Variants in HERC4 observed in about 807,000 individuals in gnomAD.
The protein encoded by HERC4 is probable E3 ubiquitin-protein ligase HERC4.
Under a neutral mutation model 124.3 loss-of-function variants are expected in HERC4, and 28 were observed. That is an observed-to-expected ratio of 0.23 (90% CI 0.17 to 0.31). The LOEUF is 0.31. Ranked by LOEUF, HERC4 falls within the 10% of genes least tolerant of loss-of-function variation. The probability of loss-of-function intolerance (pLI) is 1.00; values close to 1 mark genes in which losing one functional copy is unlikely to be tolerated. For synonymous variants in HERC4, 407 were observed against 421.5 expected, an observed-to-expected ratio of 0.97 and a Z score of 0.42; for missense variants, 713 against 1,229.3, an observed-to-expected ratio of 0.58 and a Z score of 6.28.
intron 3 of HERC4, among the ~76,000 whole-genome samples, chr10:68,061,812 C>T (rs930144851): frequency 8.1e-5 from 10 of 123,740 alleles, no homozygotes; most frequent in African/African-American, 1.2e-4. Context: ...ACCTTGGAGG[C>T]GGAGGTTGCA....
intron 21 of HERC4, among the ~76,000 whole-genome samples, chr10:67,939,296 G>A (rs1339875716): frequency 6.6e-6 from 1 of 152,164 alleles, no homozygotes; most frequent in African/African-American, 2.4e-5. Context: ...TAATGATAAA[G>A]TACACAGGTT....
intron 9 of HERC4, chr10:67,993,003 A>G: frequency 5.9e-6 from 1 of 169,206 alleles, no homozygotes. Context: ...TTTAAAAAAA[A>G]TAGAACAAAA....
chr10:68,005,941 C>T (rs2037518648), intron 9 of HERC4, among the ~76,000 whole-genome samples: 1 of 152,098 alleles, frequency 6.6e-6, no homozygotes, highest in Non-Finnish European at 1.5e-5. Flanking sequence ...CTCAAGCAAT[C>T]CTCTTGCCTC....
chr10:68,062,580 T>C (rs1427508706), intron 3 of HERC4, among the ~76,000 whole-genome samples: 1 of 151,352 alleles, frequency 6.6e-6, no homozygotes, highest in African/African-American at 2.4e-5. Flanking sequence ...AGTGAAACCC[T>C]GTCTCTACTA....
intron 19 of HERC4, among the ~76,000 whole-genome samples, chr10:67,949,094 A>T (rs1265479496): frequency 1.3e-5 from 2 of 151,678 alleles, no homozygotes; most frequent in East Asian, 3.9e-4. Flanking sequence ...TCTACTAAAA[A>T]ATAAAATAAA....
chr10:67,947,853 T>TC (rs1444914627), intron 19 of HERC4, among the ~76,000 whole-genome samples: 1 of 147,384 alleles, frequency 6.8e-6, no homozygotes, highest in Non-Finnish European at 1.5e-5. Flanking sequence ...TTTTTTTTTT[T>TC]TTTTTTTTTG....
intron 9 of HERC4, among the ~76,000 whole-genome samples, chr10:68,004,468 C>G (rs2037421082): frequency 6.6e-6 from 1 of 152,132 alleles, no homozygotes; most frequent in South Asian, 2.1e-4. Context: ...GAAATTTTTG[C>G]CCAGACCAAT....
rs1263942735 is a variant in HERC4, at chr10:68,072,914, C to T, written c.195G>A (p.Gln65=). The change falls in exon 3 of 25, where the codon CAG becomes CAA. Residue 65 remains glutamine (Q), a synonymous_variant. Transcript: ENST00000373700. ...VYTCGCNDLG[Q]LGHEKSRKKP... ...TCTTTCTGGATTTTTCATGACCTAG[C>T]TGTCCTAGATCATTACATCCACATG... 4 of 1,595,666 alleles carry T rather than the reference C, an allele frequency of 2.5e-6. No homozygotes were observed. Among genetic ancestry groups the T allele is most frequent in the African/African-American group, 1.3e-5 (1 of 74,434 alleles).
At position 67,927,406 on chromosome 10, in the gene HERC4, A is replaced by T. The variant is rs1564910626; in HGVS notation, c.2839-2219T>A. On this transcript the variant is annotated intron_variant, in intron 23 of 24. Transcript: ENST00000373700. ...TATATATATATATATATATATATAT[A>T]TATATATATATATATATATATATAT... Among the ~76,000 whole-genome samples the T allele has an allele frequency of 5.4e-4, 5 of 9,330 alleles. 1 individual carries two copies. Among genetic ancestry groups the T allele is most frequent in the Admixed American group, 1.1e-3 (1 of 872 alleles). The allele number at this position is 9,330 out of a possible 152,430, so 6.1% of individuals were successfully genotyped here.
chr10:67,957,014 T>C, intron 16 of HERC4, 38 bp from the exon 17 acceptor site: 1 of 1,215,456 alleles, frequency 8.2e-7, no homozygotes, highest in South Asian at 1.4e-5. Flanking sequence ...ACAAGTTGAT[T>C]TGTGATATAC....
rs113634272 is a variant in HERC4, at chr10:67,980,197, C to T, written c.1806+8466G>A. On this transcript the variant is annotated intron_variant, in intron 15 of 24. Coordinates refer to ENST00000373700, the MANE Select transcript of HERC4 (RefSeq NM_015601.4). The stretch of plus-strand genomic sequence containing the variant: ...CGCGATCTCGGCTCACCACAACCTT[C>T]GCCTTCCAGATAGTCATCAAAACAG... Among the ~76,000 whole-genome samples the T allele has an allele frequency of 2.0e-5, 3 of 152,240 alleles. 1 individual carries two copies. The highest frequency in any genetic ancestry group is 7.2e-5 in the African/African-American group (3 of 41,540).
intron 3 of HERC4, among the ~76,000 whole-genome samples, chr10:68,066,045 C>T (rs914349218): frequency 1.3e-5 from 2 of 151,892 alleles, no homozygotes; most frequent in Admixed American, 1.3e-4. Context: ...ATATAGTTTC[C>T]TCATTAGTGT....
intron 19 of HERC4, among the ~76,000 whole-genome samples, chr10:67,944,861 T>C (rs6480300): frequency 0.99 from 151,523 of 152,342 alleles, 75,362 homozygotes; most frequent in East Asian, 1. Flanking sequence ...GAAAAAGAAG[T>C]GATTAGTGAG....
chr10:67,948,814 G>T (rs113787028), intron 19 of HERC4, among the ~76,000 whole-genome samples: 1 of 152,000 alleles, frequency 6.6e-6, no homozygotes, highest in African/African-American at 2.4e-5. Flanking sequence ...CCAGCTACTT[G>T]GGAGGCTGAG....
At chr10:68,015,576 G>T (rs1344339924) in intron 8 of HERC4, among the ~76,000 whole-genome samples, 1 of 152,050 alleles carries the variant, frequency 6.6e-6, no homozygotes, top group African/African-American at 2.4e-5. Flanking sequence ...TTACAACCTG[G>T]CAAACTCACA....
chr10:68,058,083 A>G (rs1163215958), intron 3 of HERC4, among the ~76,000 whole-genome samples: 2 of 144,336 alleles, frequency 1.4e-5, no homozygotes. Flanking sequence ...TTCTCACAAG[A>G]AAAAAAAAGG....
intron 15 of HERC4, among the ~76,000 whole-genome samples, chr10:67,972,529 GAAAAAAAAAAAAAA>G (rs58031306): frequency 1.7e-5 from 1 of 58,394 alleles, no homozygotes; most frequent in Non-Finnish European, 3.1e-5. Context: ...CAAAAAAGAG[GAAAAAAAAAAAAAA>G]AAAAAAAAAA....
chr10:68,009,721 G>T (rs2037817589), intron 9 of HERC4, among the ~76,000 whole-genome samples: 1 of 152,168 alleles, frequency 6.6e-6, no homozygotes. Context: ...AGGAGATGCT[G>T]CATGATAGCA....
intron 15 of HERC4, among the ~76,000 whole-genome samples, chr10:67,980,908 C>CA (rs1200819231): frequency 6.6e-6 from 1 of 151,586 alleles, no homozygotes; most frequent in Non-Finnish European, 1.5e-5. Flanking sequence ...AATGAATACA[C>CA]AAAAAATAAA....
Sources: allele counts gnomAD v4.1 joint callset (sites outside exome capture counted in the v4.1 genomes callset), GRCh38; gene constraint gnomAD v4.1.1; transcripts MANE v1.5; gene names NCBI Gene and HGNC (gene_info 2026-07-23, HGNC 2026-07-21).